CCDC191: variants seen among roughly 807,000 people sequenced by gnomAD.
CCDC191 encodes the protein coiled-coil domain-containing protein 191.
CCDC191 carries 99 observed loss-of-function variants against 114.0 expected under a neutral mutation model. The observed-to-expected ratio is 0.87, with a 90% CI of 0.74 to 1.03. The LOEUF is 1.03. CCDC191 is among the 50% of genes least tolerant of loss of function. CCDC191 has a pLI of 0.00. For synonymous variants in CCDC191, 351 were observed against 376.0 expected, an observed-to-expected ratio of 0.93 and a Z score of 0.77; for missense variants, 973 against 1,087.0, an observed-to-expected ratio of 0.90 and a Z score of 1.47.
chr3:114,029,090 C>G (rs943417682), intron 7 of CCDC191, among the ~76,000 whole-genome samples: 26 of 151,950 alleles, frequency 1.7e-4, no homozygotes, highest in Admixed American at 1.6e-3. Context: ...GACCGTTTTT[C>G]CAACAAAAGG....
In CCDC191 at chr3:114,010,999, A is replaced by G. The variant is rs759582479; in HGVS notation, c.1186T>C (p.Tyr396His). The G allele has an allele frequency of 6.2e-7, 1 of 1,612,958 alleles. No homozygotes were observed. The highest frequency in any genetic ancestry group is 1.3e-5 in the African/African-American group (1 of 74,884). Residue 396 changes from tyrosine (Y) to histidine (H), a missense_variant, in exon 9 of 17, where the codon TAT becomes CAT. Coordinates refer to ENST00000295878, the MANE Select transcript of CCDC191 (RefSeq NM_020817.2). ...TGTCGGAGAACTTGTTTCCGGTTAT[A>G]CTCAGTGGCCAGTTGTTGTTTTCTA... Reference protein sequence around the residue: ...ENRKQQLATEYNRKQVLRHCF... With the variant: ...ENRKQQLATEHNRKQVLRHCF...
intron 3 of CCDC191, 104 bp downstream of exon 3, chr3:114,046,487 A>C: frequency 1.3e-6 from 1 of 761,556 alleles, no homozygotes; most frequent in Non-Finnish European, 2.3e-6. Context: ...AAGAAAGGGA[A>C]ATTAAGAACA....
intron 1 of CCDC191, among the ~76,000 whole-genome samples, chr3:114,054,655 A>AAACAAC (rs143153367): frequency 6.6e-6 from 1 of 151,926 alleles, no homozygotes; most frequent in Non-Finnish European, 1.5e-5. Flanking sequence ...ACAAACAAAC[A>AAACAAC]AACAACAACA....
intron 9 of CCDC191, 139 bp downstream of exon 9, chr3:114,010,624 GAAATAAACA>G: frequency 3.0e-6 from 2 of 674,526 alleles, no homozygotes; most frequent in South Asian, 5.1e-5. Context: ...TCAATTCAAG[GAAATAAACA>G]CTGCCTGAAA....
At chr3:113,995,608 G>A (rs1044087538) in intron 13 of CCDC191, among the ~76,000 whole-genome samples, 2 of 152,190 alleles carry the variant, frequency 1.3e-5, no homozygotes, top group Admixed American at 6.5e-5. Context: ...ACTTATTTTA[G>A]TAGAATGATT....
Position 114,002,476 on chromosome 3 carries a change from T to C in CCDC191, c.2041A>G (p.Lys681Glu). The change falls in exon 12 of 17, where the codon AAA becomes GAA. Residue 681 changes from lysine (K) to glutamate (E), a missense_variant. Lys to Glu is a moderately conservative substitution (Grantham distance 56). Transcript: ENST00000295878. ...ATTACCAATTTTTCTTCTTCTTGTT[T>C]TTTCTTCTTCTCTGCCAAGATCCGC... ...CRRILAEKKK[K>E]QEEEKLAQLK... The C allele has an allele frequency of 6.2e-7, 1 of 1,610,166 alleles. No homozygotes were observed. The highest frequency in any genetic ancestry group is 1.1e-5 in the South Asian group (1 of 89,948).
intron 2 of CCDC191, among the ~76,000 whole-genome samples, 163 bp downstream of exon 2, chr3:114,053,434 G>GA (rs969479323): frequency 3.3e-5 from 5 of 151,576 alleles, no homozygotes; most frequent in African/African-American, 4.9e-5. Context: ...ACAGAATTAT[G>GA]AAAAAAAATA....
At position 114,005,702 on chromosome 3, in the gene CCDC191, G is replaced by A. The variant is rs779388802; in HGVS notation, c.1674C>T (p.Phe558=). ...CLGHFHNRHV[F]QQQLIEKQKK... ...TTTGCTTCTCAATCAGCTGTTGCTG[G>A]AAGACATGGCGGTTGTGGAAATGAC... Residue 558 remains phenylalanine (F), a synonymous_variant, in exon 10 of 17, where the codon TTC becomes TTT. Transcript: ENST00000295878. 1 of 1,614,100 alleles carries A rather than the reference G, an allele frequency of 6.2e-7. No homozygotes were observed. Among genetic ancestry groups the A allele is most frequent in the South Asian group, 1.1e-5 (1 of 91,082 alleles).
At chr3:114,014,899 A>G (rs2076133593) in intron 8 of CCDC191, among the ~76,000 whole-genome samples, 1 of 152,046 alleles carries the variant, frequency 6.6e-6, no homozygotes, top group Non-Finnish European at 1.5e-5. Context: ...CCTAGAAGGC[A>G]ATAATGTTTA....
chr3:113,976,274 AC>A lies in CCDC191; in HGVS notation c.2606+1911del, dbSNP rs1295783948. ...ACTTTGTCTCAGGGTAAAAAAAAAA[AC>A]AAAACAAAACACAAAAACAAACAAA... On this transcript the variant is annotated intron_variant, in intron 16 of 16. Coordinates refer to ENST00000295878, the MANE Select transcript of CCDC191 (RefSeq NM_020817.2). 1.6e-4 allele frequency among the ~76,000 whole-genome samples: 24 copies of A among 152,020 alleles called. 1 individual carries two copies. Among genetic ancestry groups the A allele is most frequent in the Non-Finnish European group, 8.8e-5 (6 of 67,932 alleles).
chr3:114,028,275 ATTTTT>A (rs920211150), intron 7 of CCDC191, among the ~76,000 whole-genome samples: 1 of 126,878 alleles, frequency 7.9e-6, no homozygotes. Context: ...AATTCTAAAA[ATTTTT>A]TTTTTTTTTT....
chr3:114,023,715 T>C (rs1390336747), intron 7 of CCDC191, among the ~76,000 whole-genome samples: 7 of 152,230 alleles, frequency 4.6e-5, no homozygotes, highest in Middle Eastern at 3.4e-3. Flanking sequence ...TCAAGATGGA[T>C]TAAAGACTTA....
chr3:114,045,814 T>C (rs1439081041), intron 3 of CCDC191, among the ~76,000 whole-genome samples: 2 of 152,190 alleles, frequency 1.3e-5, no homozygotes, highest in Admixed American at 6.5e-5. Flanking sequence ...TCCTTGCTCC[T>C]TGCTGACTCA....
intron 8 of CCDC191, among the ~76,000 whole-genome samples, chr3:114,011,818 C>A (rs751353412): frequency 8.5e-5 from 13 of 152,188 alleles, no homozygotes; most frequent in Non-Finnish European, 1.5e-4. Context: ...TGGGAATCTG[C>A]ATTAGGAGAT....
chr3:114,053,444 A>C (rs748666484), intron 2 of CCDC191, among the ~76,000 whole-genome samples, 153 bp downstream of exon 2: 2 of 152,242 alleles, frequency 1.3e-5, no homozygotes, highest in African/African-American at 2.4e-5. Flanking sequence ...GAAAAAAAAT[A>C]CTAAAAAGTA....
chr3:114,036,731 T>C lies in CCDC191; in HGVS notation c.471A>G (p.Ile157Met). 1 of 1,592,890 alleles carries C rather than the reference T, an allele frequency of 6.3e-7. No individual in the cohort carries two copies. The highest frequency in any genetic ancestry group is 8.6e-7 in the Non-Finnish European group (1 of 1,168,346). Reference protein sequence around the residue: ...EEESTTVQKFIDHLLHKNVVD... With the variant: ...EEESTTVQKFMDHLLHKNVVD... The stretch of plus-strand genomic sequence containing the variant: ...CCACATTTTTATGGAGCAGATGGTC[T>C]ATAAATTTTTGAACGGTGGTACTTT... Residue 157 changes from isoleucine to methionine, a missense_variant, in exon 5 of 17, where the codon ATA becomes ATG. Transcript: ENST00000295878.
At chr3:113,971,046 A>G (rs1940767870) in intron 16 of CCDC191, among the ~76,000 whole-genome samples, 1 of 152,206 alleles carries the variant, frequency 6.6e-6, no homozygotes, top group Non-Finnish European at 1.5e-5. Context: ...GTGTCTTTAT[A>G]GCAGCATGAT....
intron 4 of CCDC191, among the ~76,000 whole-genome samples, chr3:114,038,172 T>C (rs1488082057): frequency 2.0e-5 from 3 of 152,206 alleles, no homozygotes; most frequent in Non-Finnish European, 2.9e-5. Context: ...AGGTAACTCA[T>C]TGTAGTTTTA....
intron 16 of CCDC191, among the ~76,000 whole-genome samples, chr3:113,969,633 C>A (rs1577304635): frequency 6.6e-6 from 1 of 152,236 alleles, no homozygotes; most frequent in Middle Eastern, 3.4e-3. Flanking sequence ...GTTCTTGGCA[C>A]TTTTGTCAAA....
Sources: allele counts gnomAD v4.1 joint callset (sites outside exome capture counted in the v4.1 genomes callset), GRCh38; gene constraint gnomAD v4.1.1; transcripts MANE v1.5; gene names NCBI Gene and HGNC (gene_info 2026-07-23, HGNC 2026-07-21).